CXADR: variants seen among roughly 807,000 people sequenced by gnomAD.
CXADR encodes the protein coxsackievirus and adenovirus receptor.
CXADR carries 20 observed loss-of-function variants against 40.3 expected under a neutral mutation model. That is an observed-to-expected ratio of 0.50 (90% confidence interval 0.35 to 0.72). The LOEUF is 0.72. Among genes scored for constraint, CXADR ranks in the 30% least tolerant of loss-of-function variants. CXADR has a pLI of 0.01. For missense variants in CXADR, 332 were observed against 449.1 expected, an observed-to-expected ratio of 0.74 and a Z score of 2.36; for synonymous variants, 150 against 161.3, an observed-to-expected ratio of 0.93 and a Z score of 0.53.
chr21:17,548,075 A>G (rs554389086), intron 2 of CXADR, among the ~76,000 whole-genome samples: 1 of 150,582 alleles, frequency 6.6e-6, no homozygotes, highest in South Asian at 2.1e-4. Context: ...AAAAGTTAAT[A>G]AATTATATTA....
the CXADR span, among the ~76,000 whole-genome samples, chr21:17,621,972 C>T: frequency 6.6e-6 from 1 of 152,122 alleles, no homozygotes; most frequent in Non-Finnish European, 1.5e-5. Context: ...TGTGGTTGGG[C>T]TCCCAGCTGA....
chr21:17,589,913 T>C (rs2061423053), intron 7 of CXADR, among the ~76,000 whole-genome samples: 1 of 152,082 alleles, frequency 6.6e-6, no homozygotes, highest in South Asian at 2.1e-4. Flanking sequence ...ATATTGGGCA[T>C]TATTAATTTT....
chr21:17,625,607 A>G, the CXADR span, among the ~76,000 whole-genome samples: 4 of 152,188 alleles, frequency 2.6e-5, no homozygotes, highest in East Asian at 7.7e-4. Flanking sequence ...CTAATTGCTG[A>G]TAAACTTTTT....
intron 4 of CXADR, among the ~76,000 whole-genome samples, chr21:17,559,989 A>G (rs1282381461): frequency 6.6e-6 from 1 of 150,570 alleles, no homozygotes; most frequent in African/African-American, 2.4e-5. Flanking sequence ...TTTTTAATTG[A>G]TGAGACATGT....
At chr21:17,598,740 G>A in the CXADR span, 3 of 1,614,034 alleles carry the variant, frequency 1.9e-6, no homozygotes, top group African/African-American at 2.7e-5. Context: ...CAAGGGCCCT[G>A]GTAACTTTCC....
chr21:17,567,494 G>A lies in CXADR; in HGVS notation c.*1802G>A. The A allele has an allele frequency of 2.0e-6, 2 of 985,368 alleles. No homozygotes were observed. The highest frequency in any genetic ancestry group is 2.4e-6 in the Non-Finnish European group (2 of 829,906). 61.0% of individuals were successfully genotyped at this position (985,368 alleles called of 1,614,324 possible). ...TACCTGAAAGGTGCTTAGAGGTGAA[G>A]GTACTGTTTCTAAAAACACATCACT... On this transcript the variant is annotated 3_prime_UTR_variant, in exon 7 of 7. Transcript: ENST00000284878.
At chr21:17,516,830 A>G (rs1028251247) in intron 1 of CXADR, among the ~76,000 whole-genome samples, 1 of 152,256 alleles carries the variant, frequency 6.6e-6, no homozygotes, top group African/African-American at 2.4e-5. Flanking sequence ...TCTCACCACA[A>G]AAAGTATGTG....
chr21:17,514,413 G>A (rs1292641957), intron 1 of CXADR, among the ~76,000 whole-genome samples: 1 of 151,996 alleles, frequency 6.6e-6, no homozygotes, highest in East Asian at 1.9e-4. Flanking sequence ...ATTTAGACTT[G>A]GCGGGCTGAA....
chr21:17,632,364 C>T, the CXADR span, among the ~76,000 whole-genome samples: 1 of 151,962 alleles, frequency 6.6e-6, no homozygotes, highest in Non-Finnish European at 1.5e-5. Flanking sequence ...TAAGAGAACA[C>T]CATGTAAGTG....
At chr21:17,594,376 C>T (rs574628649), downstream of CXADR, 22 of 1,573,504 alleles carry the variant, frequency 1.4e-5, no homozygotes, top group South Asian at 2.1e-4. Flanking sequence ...AGGAAAAAAT[C>T]ATCATCTATG....
downstream of CXADR, among the ~76,000 whole-genome samples, chr21:17,594,679 T>C (rs1245098208): frequency 3.9e-5 from 6 of 152,142 alleles, no homozygotes; most frequent in East Asian, 9.7e-4. Flanking sequence ...CAGGAGTCAC[T>C]TGGAGGCTTT....
At chr21:17,527,592 CGTGCAGCTATG>C (rs1569081712) in intron 1 of CXADR, among the ~76,000 whole-genome samples, 2 of 152,072 alleles carry the variant, frequency 1.3e-5, no homozygotes. Context: ...GACAATTATT[CGTGCAGCTATG>C]GTACCAGGCA....
the CXADR span, among the ~76,000 whole-genome samples, chr21:17,601,556 C>G: frequency 6.6e-6 from 1 of 152,082 alleles, no homozygotes; most frequent in Admixed American, 6.5e-5. Context: ...AAAATAAATT[C>G]CTAAACAATT....
At chr21:17,561,286 C>T (rs2061116057) in intron 5 of CXADR, 52 bp from the exon 6 acceptor site, 3 of 1,022,194 alleles carry the variant, frequency 2.9e-6, no homozygotes, top group Non-Finnish European at 4.2e-6. Flanking sequence ...CCTTCAGTAT[C>T]TATACATGTA....
At chr21:17,585,528 T>G (rs963995073) in intron 7 of CXADR, among the ~76,000 whole-genome samples, 16 of 130,198 alleles carry the variant, frequency 1.2e-4, no homozygotes, top group African/African-American at 4.4e-4. Flanking sequence ...TTAATTATTA[T>G]TTTTTTTTGA....
chr21:17,553,669 T>A (rs2060999072), intron 3 of CXADR, among the ~76,000 whole-genome samples: 1 of 149,678 alleles, frequency 6.7e-6, no homozygotes, highest in Non-Finnish European at 1.5e-5. Context: ...TCACCCAGGC[T>A]GGAGTGCAGT....
rs575295349 is a variant in CXADR, at chr21:17,565,060, C to T, written c.834-368C>T. 2.0e-5 allele frequency among the ~76,000 whole-genome samples: 3 copies of T among 152,278 alleles called. No individual in the cohort carries two copies. In the South Asian group the frequency reaches 6.2e-4, roughly 32 times the overall value. On this transcript the variant is annotated intron_variant, in intron 6 of 6. Coordinates refer to ENST00000284878, the MANE Select transcript of CXADR (RefSeq NM_001338.5). ...CCTGTAGGTGTTAGTGTTTTCTCAACTATAAAGTGTTACATGGCTTTAACT... is the reference window on the plus strand; with the variant it reads ...CCTGTAGGTGTTAGTGTTTTCTCAATTATAAAGTGTTACATGGCTTTAACT...
At position 17,544,223 on chromosome 21, in the gene CXADR, C is replaced by G. The variant is rs77315848; in HGVS notation, c.44-2804C>G. Among the ~76,000 whole-genome samples the G allele has an allele frequency of 8.3e-3, 1,269 of 152,184 alleles. 22 individuals carry two copies. Among genetic ancestry groups the G allele is most frequent in the African/African-American group, 0.028 (1,179 of 41,502 alleles). On this transcript the variant is annotated intron_variant, in intron 1 of 6. Coordinates refer to ENST00000284878, the MANE Select transcript of CXADR (RefSeq NM_001338.5). ...CTTAATGAATGAGATAGGAATGGAA[C>G]TGAGTTTATTAGAAATAATAGAGTG...
intron 7 of CXADR, among the ~76,000 whole-genome samples, chr21:17,585,603 C>T (rs758185465): frequency 1.2e-4 from 19 of 152,080 alleles, no homozygotes; most frequent in Admixed American, 8.5e-4. Flanking sequence ...CTGCAACCTC[C>T]GCCTCCCAGG....
Sources: allele counts gnomAD v4.1 joint callset (sites outside exome capture counted in the v4.1 genomes callset), GRCh38; gene constraint gnomAD v4.1.1; transcripts MANE v1.5; gene names NCBI Gene and HGNC (gene_info 2026-07-23, HGNC 2026-07-21).